SLIT3: variants seen among roughly 807,000 people sequenced by gnomAD.
The protein encoded by SLIT3 is slit homolog 3 protein.
In SLIT3, 68 loss-of-function variants were observed where a neutral mutation model predicts 184.0. The ratio of observed to expected loss-of-function variants is 0.37; its 90% CI spans 0.30 to 0.45. SLIT3 has a LOEUF of 0.45. Among genes scored for constraint, SLIT3 ranks in the 20% least tolerant of loss-of-function variants. The probability of loss-of-function intolerance (pLI) is 1.00; values close to 1 mark genes in which losing one functional copy is unlikely to be tolerated. For synonymous variants in SLIT3, 831 were observed against 828.6 expected (o/e 1.00, Z -0.05); for missense variants, 1,707 against 2,026.0 (o/e 0.84, Z 3.02).
rs149564835 is a variant in SLIT3, at chr5:168,761,494, G to A, written c.1611-558C>T. Among the ~76,000 whole-genome samples the A allele has an allele frequency of 3.4e-3, 521 of 152,238 alleles. 1 individual carries two copies. The highest frequency in any genetic ancestry group is 5.8e-3 in the Non-Finnish European group (392 of 68,004). ...ACCACTCATCCAGGGCTTACTCTGTGCCAGGATTCAAGATGAGTTCCATGC... is the reference window on the plus strand; with the variant it reads ...ACCACTCATCCAGGGCTTACTCTGTACCAGGATTCAAGATGAGTTCCATGC... On this transcript the variant is annotated intron_variant, in intron 15 of 35. Coordinates refer to ENST00000519560, the MANE Select transcript of SLIT3 (RefSeq NM_003062.4).
chr5:169,202,609 T>C (rs776248949), intron 3 of SLIT3, among the ~76,000 whole-genome samples: 1 of 152,122 alleles, frequency 6.6e-6, no homozygotes, highest in Non-Finnish European at 1.5e-5. Context: ...GCAGGGAGGA[T>C]AGAAACAAGG....
intron 4 of SLIT3, among the ~76,000 whole-genome samples, chr5:168,938,151 C>T (rs533526405): frequency 2.6e-5 from 4 of 152,222 alleles, no homozygotes; most frequent in Non-Finnish European, 5.9e-5. Flanking sequence ...GAGTGAACTT[C>T]TTCTGATACA....
At chr5:168,807,832 C>T (rs883241) in intron 8 of SLIT3, among the ~76,000 whole-genome samples, 20,219 of 152,186 alleles carry the variant, frequency 0.13, 1,656 homozygotes, top group East Asian at 0.29. Flanking sequence ...TTGAGCCAGA[C>T]GACCAGCAGA....
At chr5:169,101,314 G>A (rs138426945) in intron 4 of SLIT3, among the ~76,000 whole-genome samples, 17 of 152,328 alleles carry the variant, frequency 1.1e-4, no homozygotes, top group African/African-American at 3.4e-4. Flanking sequence ...AGGACAGGAC[G>A]TGGGTAAAGC....
intron 4 of SLIT3, among the ~76,000 whole-genome samples, chr5:169,077,264 G>A (rs970307802): frequency 4.6e-5 from 7 of 152,082 alleles, no homozygotes; most frequent in East Asian, 1.9e-4. Context: ...TAGGCCGGGC[G>A]CGGTGGCTCA....
At chr5:168,804,310 C>CAAAAAAAAAAAAAAA (rs770650322) in intron 9 of SLIT3, among the ~76,000 whole-genome samples, 1 of 52,356 alleles carries the variant, frequency 1.9e-5, no homozygotes, top group Non-Finnish European at 3.2e-5. Context: ...AACTCTTTCT[C>CAAAAAAAAAAAAAAA]AAAAAAAAAA....
intron 1 of SLIT3, among the ~76,000 whole-genome samples, chr5:169,272,063 G>A (rs983835750): frequency 6.6e-6 from 1 of 152,252 alleles, no homozygotes; most frequent in Non-Finnish European, 1.5e-5. Context: ...CTCTGCCTGG[G>A]CAGTGCCTGA....
chr5:169,227,560 T>G (rs1455558861), intron 3 of SLIT3, among the ~76,000 whole-genome samples: 1 of 152,178 alleles, frequency 6.6e-6, no homozygotes, highest in African/African-American at 2.4e-5. Flanking sequence ...CCCCAGTAGC[T>G]GGGATTACAG....
intron 5 of SLIT3, among the ~76,000 whole-genome samples, chr5:168,877,427 G>A (rs1759773108): frequency 6.6e-6 from 1 of 152,174 alleles, no homozygotes; most frequent in Non-Finnish European, 1.5e-5. Flanking sequence ...ATAAGTGAGA[G>A]CACCCAGTTC....
At chr5:169,012,859 A>G (rs1459045949) in intron 4 of SLIT3, 2 of 152,218 alleles carry the variant, frequency 1.3e-5, no homozygotes, top group African/African-American at 4.8e-5. Context: ...AACCCCGGCC[A>G]TTACCTACTC....
chr5:168,783,726 T>C (rs1013102879), intron 12 of SLIT3, among the ~76,000 whole-genome samples: 3 of 152,114 alleles, frequency 2.0e-5, no homozygotes, highest in African/African-American at 7.2e-5. Flanking sequence ...GGCTGAACAC[T>C]AAATTAGATC....
chr5:169,186,310 G>GT (rs1005503254), intron 4 of SLIT3, among the ~76,000 whole-genome samples: 13 of 152,200 alleles, frequency 8.5e-5, no homozygotes, highest in Admixed American at 8.5e-4. Context: ...GCACAACCAC[G>GT]TGAGGAGGCA....
At chr5:168,877,398 G>A (rs1004248783) in intron 5 of SLIT3, among the ~76,000 whole-genome samples, 9 of 152,182 alleles carry the variant, frequency 5.9e-5, no homozygotes, top group African/African-American at 2.2e-4. Flanking sequence ...GGAATGTAAA[G>A]GAGCATGGGA....
chr5:169,200,152 C>T (rs1050873631), intron 3 of SLIT3, among the ~76,000 whole-genome samples: 2 of 152,188 alleles, frequency 1.3e-5, no homozygotes, highest in South Asian at 4.1e-4. Context: ...ACTACTTCCC[C>T]TCCCTCAGGA....
chr5:169,106,988 C>T (rs1048843500), intron 4 of SLIT3, among the ~76,000 whole-genome samples: 11 of 152,326 alleles, frequency 7.2e-5, no homozygotes, highest in South Asian at 4.1e-4. Context: ...TGCTGCCAAA[C>T]GTGTCAGAGG....
At chr5:168,803,823 G>T (rs1756854913) in intron 9 of SLIT3, among the ~76,000 whole-genome samples, 1 of 152,170 alleles carries the variant, frequency 6.6e-6, no homozygotes, top group African/African-American at 2.4e-5. Flanking sequence ...TGAGATGAGG[G>T]CTGGCAGGAA....
In SLIT3 at chr5:169,035,689, A is replaced by G. The variant is rs1190129469; in HGVS notation, c.414-152353T>C. On this transcript the variant is annotated intron_variant, in intron 4 of 35. Coordinates refer to ENST00000519560, the MANE Select transcript of SLIT3 (RefSeq NM_003062.4). ...AAAAGAATTACCTCATTTACTCTTC[A>G]CAACAAGACTACAAAGTGAGTACCA... Among the ~76,000 whole-genome samples the G allele has an allele frequency of 2.6e-5, 4 of 151,400 alleles. No homozygotes were observed. In the East Asian group the frequency reaches 7.8e-4, roughly 29 times the overall value.
intron 5 of SLIT3, 58 bp from the exon 6 acceptor site, chr5:168,844,713 G>C: frequency 6.5e-7 from 1 of 1,544,608 alleles, no homozygotes; most frequent in African/African-American, 1.4e-5. Context: ...AGGGGCCGGC[G>C]GCCCAGGCCA....
intron 4 of SLIT3, among the ~76,000 whole-genome samples, chr5:169,014,664 A>G (rs986145776): frequency 1.3e-5 from 2 of 152,164 alleles, no homozygotes; most frequent in Non-Finnish European, 2.9e-5. Context: ...TTAAGAAGCA[A>G]CCTCATGCTG....
Sources: gnomAD v4.1 joint callset for allele counts (sites outside exome capture counted in the v4.1 genomes callset) on GRCh38, gnomAD v4.1.1 for gene constraint, MANE v1.5 for transcripts, NCBI Gene and HGNC (gene_info 2026-07-23, HGNC 2026-07-21) for gene names.